The following SORBS2 variants were observed in gnomAD, a reference collection of about 807,000 sequenced individuals.
The protein encoded by SORBS2 is sorbin and SH3 domain containing 2.
A neutral mutation model predicts 97.7 loss-of-function variants in SORBS2; 46 were observed. The observed-to-expected ratio is 0.47, with a 90% confidence interval of 0.37 to 0.60. SORBS2 has a LOEUF of 0.60. SORBS2 is among the 20% of genes least tolerant of loss of function. The pLI is 0.00. For synonymous variants in SORBS2, 476 were observed against 473.4 expected (o/e 1.01, Z -0.07); for missense variants, 1,316 against 1,282.3 (o/e 1.03, Z -0.40).
intron 4 of SORBS2, chr4:185,677,343 A>C: frequency 6.4e-7 from 1 of 1,552,350 alleles, no homozygotes; most frequent in South Asian, 1.2e-5. Flanking sequence ...CTCTTGTAGA[A>C]CTGGGGTGTT....
At chr4:185,664,057 T>C (rs569669645) in intron 4 of SORBS2, among the ~76,000 whole-genome samples, 1 of 151,882 alleles carries the variant, frequency 6.6e-6, no homozygotes, top group Non-Finnish European at 1.5e-5. Flanking sequence ...GGTTTCACCA[T>C]GTTAGCCAGG....
chr4:185,639,099 A>G (rs2097083094), intron 4 of SORBS2, 64 bp from the exon 14 acceptor site: 4 of 1,400,914 alleles, frequency 2.9e-6, no homozygotes, highest in Non-Finnish European at 3.8e-6. Context: ...AACCGCGAGG[A>G]CACCCTGGCA....
intron 4 of SORBS2, among the ~76,000 whole-genome samples, chr4:185,676,768 C>T (rs1582506054): frequency 6.6e-6 from 1 of 151,880 alleles, no homozygotes; most frequent in East Asian, 1.9e-4. Context: ...AAATTTAGAA[C>T]ATGATTTCTG....
chr4:185,896,310 G>C (rs145245467), intron 1 of SORBS2, among the ~76,000 whole-genome samples: 69 of 152,308 alleles, frequency 4.5e-4, no homozygotes, highest in African/African-American at 1.6e-3. Context: ...TTGGCCAGGC[G>C]AGATGGCTGA....
chr4:185,774,835 C>T (rs909534165), intron 2 of SORBS2: 1 of 150,434 alleles, frequency 6.6e-6, no homozygotes, highest in African/African-American at 2.4e-5. Context: ...TATATATTAT[C>T]TTTACTCAGG....
intron 7 of SORBS2, among the ~76,000 whole-genome samples, chr4:185,621,289 T>C (rs1427201765): frequency 6.6e-6 from 1 of 152,218 alleles, no homozygotes; most frequent in Non-Finnish European, 1.5e-5. Flanking sequence ...ATAATGATCA[T>C]AAATTTTAAA....
intron 4 of SORBS2, among the ~76,000 whole-genome samples, chr4:185,663,124 A>G (rs1033688197): frequency 6.6e-6 from 1 of 152,238 alleles, no homozygotes; most frequent in African/African-American, 2.4e-5. Flanking sequence ...ACAGCACAGT[A>G]CTGATCATTA....
intron 4 of SORBS2, 185 bp downstream of exon 13, chr4:185,646,483 C>A (rs2097210927): frequency 7.4e-6 from 4 of 539,884 alleles, no homozygotes; most frequent in Non-Finnish European, 1.3e-5. Context: ...TCAGTAAAGA[C>A]AATATATTAG....
intron 2 of SORBS2, among the ~76,000 whole-genome samples, chr4:185,716,423 G>A (rs565140912): frequency 3.3e-5 from 5 of 152,364 alleles, no homozygotes; most frequent in African/African-American, 7.2e-5. Flanking sequence ...GCACTTAGAA[G>A]TGAGTCTGGC....
intron 1 of SORBS2, among the ~76,000 whole-genome samples, chr4:185,789,251 A>G (rs1416895328): frequency 6.6e-6 from 1 of 152,184 alleles, no homozygotes; most frequent in Non-Finnish European, 1.5e-5. Flanking sequence ...CTTTGAGATT[A>G]ATATGATATT....
intron 1 of SORBS2, among the ~76,000 whole-genome samples, chr4:185,844,435 T>TAAC (rs144471932): frequency 1.6e-4 from 24 of 151,836 alleles, no homozygotes; most frequent in African/African-American, 5.1e-4. Context: ...AGAATGACAA[T>TAAC]AACAACAACA....
At chr4:185,628,817 C>T (rs1241947208) in intron 5 of SORBS2, among the ~76,000 whole-genome samples, 2 of 152,188 alleles carry the variant, frequency 1.3e-5, no homozygotes, top group Non-Finnish European at 2.9e-5. Context: ...TCCTTCCCCT[C>T]AGTTGCATAA....
At chr4:185,836,109 C>G (rs2099207919) in intron 1 of SORBS2, among the ~76,000 whole-genome samples, 1 of 151,992 alleles carries the variant, frequency 6.6e-6, no homozygotes. Flanking sequence ...CAGTGTGGTG[C>G]TGATTAAAAG....
At chr4:185,659,701 G>A (rs991403005), upstream of SORBS2, among the ~76,000 whole-genome samples, 1 of 152,152 alleles carries the variant, frequency 6.6e-6, no homozygotes, top group Non-Finnish European at 1.5e-5. Context: ...GATTACAGGC[G>A]TGAGCCACCG....
chr4:185,930,555 C>G lies in SORBS2; in HGVS notation c.-338+25641G>C, dbSNP rs543029488. Reference sequence around the variant, plus strand: ...CCTCGTGATCCGCCTGCCTCGGCCTCCCAAAGTGCTGGGATTACAGGTGTG... The same window carrying G: ...CCTCGTGATCCGCCTGCCTCGGCCTGCCAAAGTGCTGGGATTACAGGTGTG... On this transcript the variant is annotated intron_variant, in intron 1 of 20. Coordinates refer to the SORBS2 transcript ENST00000284776. 4.7e-3 allele frequency among the ~76,000 whole-genome samples: 710 copies of G among 152,266 alleles called. 4 individuals carry two copies. Among genetic ancestry groups the G allele is most frequent in the Non-Finnish European group, 6.2e-3 (421 of 68,026 alleles).
At chr4:185,618,558 C>T in intron 9 of SORBS2, 27 bp downstream of exon 21, 1 of 1,341,650 alleles carries the variant, frequency 7.5e-7, no homozygotes, top group Non-Finnish European at 1.0e-6. Flanking sequence ...CACCTTAAAT[C>T]ATATGATGAG....
chr4:185,607,456 A>T lies in SORBS2; in HGVS notation c.2796+4324T>A. 3 of 460,450 alleles carry T rather than the reference A, an allele frequency of 6.5e-6. No individual in the cohort carries two copies. The highest frequency in any genetic ancestry group is 5.9e-5 in the South Asian group (3 of 50,878). The allele number at this position is 460,450 out of a possible 1,614,324, so 28.5% of individuals were successfully genotyped here. A position where few individuals can be genotyped will look rare whatever the true frequency, so the allele number is the denominator to read the frequency against. On this transcript the variant is annotated intron_variant, in intron 12 of 14. Transcript: ENST00000418609. This position sits in a 1 kb window ranked among gnomAD's most constrained non-coding sequence, Gnocchi z 5.2. Reference sequence around the variant, plus strand: ...GAAATGCAGAAAAGATGCGGTGGTGAATATGAAAATAATTTTATGTTTAAC... The same window carrying T: ...GAAATGCAGAAAAGATGCGGTGGTGTATATGAAAATAATTTTATGTTTAAC...
At chr4:185,701,173 C>T (rs2098256340) in intron 2 of SORBS2, among the ~76,000 whole-genome samples, 1 of 152,148 alleles carries the variant, frequency 6.6e-6, no homozygotes, top group South Asian at 2.1e-4. Context: ...CAGAAATAAA[C>T]TCTCAACACT....
At chr4:185,745,949 A>G (rs1040502431) in intron 2 of SORBS2, among the ~76,000 whole-genome samples, 1 of 152,214 alleles carries the variant, frequency 6.6e-6, no homozygotes, top group Admixed American at 6.5e-5. Flanking sequence ...CAGAAAGAGA[A>G]GCAAACGATA....
Sources: gnomAD v4.1 joint callset for allele counts (sites outside exome capture counted in the v4.1 genomes callset) on GRCh38, gnomAD v4.1.1 for gene constraint, Gnocchi (gnomAD v3.1) non-coding constraint, MANE v1.5 for transcripts, NCBI Gene and HGNC (gene_info 2026-07-23, HGNC 2026-07-21) for gene names.